The following MACROD2 variants were observed in gnomAD, a reference collection of about 807,000 sequenced individuals.
MACROD2 encodes mono-ADP ribosylhydrolase 2.
MACROD2 carries 36 observed loss-of-function variants against 70.4 expected under a neutral mutation model. The ratio of observed to expected loss-of-function variants is 0.51; its 90% CI spans 0.39 to 0.68. MACROD2 has a LOEUF of 0.68. Among genes scored for constraint, MACROD2 ranks in the 30% least tolerant of loss-of-function variants. MACROD2 has a pLI of 0.00. For missense variants in MACROD2, 496 were observed against 538.4 expected (o/e 0.92, Z 0.78); for synonymous variants, 172 against 178.8 (o/e 0.96, Z 0.30).
rs2066597821 is a variant in MACROD2, at chr20:15,994,275, C to T, written c.1153+7117C>T. The stretch of plus-strand genomic sequence containing the variant: ...TACACACACTGTAGATGAAGTTGTA[C>T]TTCTAAGATGCCTCAGTTGTGAGAT... On this transcript the variant is annotated intron_variant, in intron 15 of 17. Transcript: ENST00000684519. Among the ~76,000 whole-genome samples, 3 of 152,058 alleles carry T rather than the reference C, an allele frequency of 2.0e-5. No homozygotes were observed. The South Asian group carries it at 6.2e-4, about 31-fold the overall frequency.
chr20:15,304,671 C>A (rs1308953661), intron 6 of MACROD2, among the ~76,000 whole-genome samples: 1 of 152,172 alleles, frequency 6.6e-6, no homozygotes, highest in African/African-American at 2.4e-5. Flanking sequence ...GACTGGCTCT[C>A]TAGCTCACTG....
chr20:15,586,257 C>T (rs967240937), intron 8 of MACROD2, among the ~76,000 whole-genome samples: 6 of 152,162 alleles, frequency 3.9e-5, no homozygotes, highest in African/African-American at 1.4e-4. Flanking sequence ...GACTCTGATA[C>T]AGTAGGTCTG....
At chr20:15,534,615 A>G (rs2047849158) in intron 8 of MACROD2, among the ~76,000 whole-genome samples, 1 of 152,200 alleles carries the variant, frequency 6.6e-6, no homozygotes. Flanking sequence ...GACGGTAGAT[A>G]TGAAGGTTGA....
chr20:13,999,648 C>T (rs1313181194), intron 1 of MACROD2, among the ~76,000 whole-genome samples: 3 of 152,082 alleles, frequency 2.0e-5, no homozygotes, highest in African/African-American at 7.2e-5. Flanking sequence ...TTATAGTTTC[C>T]TTATCTATAA....
chr20:15,363,426 T>A (rs2078375808), intron 6 of MACROD2, among the ~76,000 whole-genome samples: 1 of 152,154 alleles, frequency 6.6e-6, no homozygotes, highest in Non-Finnish European at 1.5e-5. Context: ...AAGAGAAAGT[T>A]TCGAAAGGCA....
At chr20:14,081,198 C>T (rs184351063) in intron 2 of MACROD2, among the ~76,000 whole-genome samples, 27 of 152,318 alleles carry the variant, frequency 1.8e-4, no homozygotes, top group Admixed American at 1.0e-3. Flanking sequence ...CCTGACTTGC[C>T]TTCAGCAAGA....
intron 17 of MACROD2, among the ~76,000 whole-genome samples, chr20:16,048,599 T>G (rs1379351007): frequency 6.6e-6 from 1 of 152,106 alleles, no homozygotes; most frequent in Non-Finnish European, 1.5e-5. Flanking sequence ...ACCGCAGATA[T>G]AAAATACAGA....
Position 14,912,486 on chromosome 20 carries a change from G to T in MACROD2, c.418+227527G>T, listed in dbSNP as rs1012366424. On this transcript the variant is annotated intron_variant, in intron 5 of 17. Transcript: ENST00000684519. Reference sequence around the variant, plus strand: ...CTAAGGAAACTTTGTCAAGTTTCCTGTTGGGGCATGCCAGCTAGTCTTCAA... The same window carrying T: ...CTAAGGAAACTTTGTCAAGTTTCCTTTTGGGGCATGCCAGCTAGTCTTCAA... Among the ~76,000 whole-genome samples, 6 of 152,254 alleles carry T rather than the reference G, an allele frequency of 3.9e-5. No individual in the cohort carries two copies. The East Asian group carries it at 1.2e-3, about 29-fold the overall frequency.
Position 14,483,429 on chromosome 20 carries a change from GGA to G in MACROD2, c.272-10048_272-10047del, listed in dbSNP as rs537849374. 1.7e-4 allele frequency among the ~76,000 whole-genome samples: 25 copies of G among 150,694 alleles called. No homozygotes were observed. The South Asian group carries it at 4.8e-3, about 29-fold the overall frequency. ...TTTTATTTTTATTTTTTTTTGAGAC[GGA>G]GTTTCGCTCCTGTTGCCCAGGCTGG... On this transcript the variant is annotated intron_variant, in intron 3 of 17. Transcript: ENST00000684519.
intron 8 of MACROD2, among the ~76,000 whole-genome samples, chr20:15,615,872 A>G (rs1600670748): frequency 2.0e-5 from 3 of 152,186 alleles, no homozygotes; most frequent in South Asian, 2.1e-4. Flanking sequence ...GTGTAAAAGT[A>G]TAATAATATA....
chr20:14,407,073 T>G (rs1256409801), intron 3 of MACROD2, among the ~76,000 whole-genome samples: 1 of 151,794 alleles, frequency 6.6e-6, no homozygotes, highest in Non-Finnish European at 1.5e-5. Flanking sequence ...ACCATATTTT[T>G]AAACAATCCT....
chr20:15,089,390 G>A (rs1463996135), intron 5 of MACROD2, among the ~76,000 whole-genome samples: 7 of 152,050 alleles, frequency 4.6e-5, no homozygotes, highest in Non-Finnish European at 1.0e-4. Flanking sequence ...ATTGATGGTT[G>A]CCTTGCCAAG....
intron 8 of MACROD2, among the ~76,000 whole-genome samples, chr20:15,605,453 C>CAT (rs71340232): frequency 7.1e-6 from 1 of 141,692 alleles, no homozygotes; most frequent in Non-Finnish European, 1.5e-5. Flanking sequence ...AGGATGTAAG[C>CAT]GTGTGTGTGT....
chr20:15,468,900 C>G (rs1479749264), intron 7 of MACROD2, among the ~76,000 whole-genome samples: 2 of 152,032 alleles, frequency 1.3e-5, no homozygotes, highest in East Asian at 3.9e-4. Context: ...TATTCAAGAC[C>G]CAAAGGATGA....
chr20:15,044,804 C>T (rs2075380631), intron 5 of MACROD2, among the ~76,000 whole-genome samples: 1 of 152,160 alleles, frequency 6.6e-6, no homozygotes, highest in South Asian at 2.1e-4. Context: ...CTCTATTAAA[C>T]ACTCAAATTA....
chr20:15,069,926 G>C (rs945336148), intron 5 of MACROD2, among the ~76,000 whole-genome samples: 1 of 152,166 alleles, frequency 6.6e-6, no homozygotes, highest in Non-Finnish European at 1.5e-5. Flanking sequence ...CTGTGGGAAG[G>C]GGTTGCCACC....
intron 3 of MACROD2, among the ~76,000 whole-genome samples, chr20:14,364,641 A>G (rs1388856562): frequency 2.6e-5 from 4 of 152,014 alleles, no homozygotes; most frequent in Non-Finnish European, 5.9e-5. Context: ...CCCAGAAACC[A>G]CCAAACTGTT....
intron 4 of MACROD2, among the ~76,000 whole-genome samples, chr20:14,502,667 G>C (rs2084927519): frequency 6.6e-6 from 1 of 152,112 alleles, no homozygotes; most frequent in African/African-American, 2.4e-5. Flanking sequence ...TCTGAAAGAT[G>C]AAAGTTGCTG....
chr20:15,937,729 T>TTA (rs10532606), intron 12 of MACROD2, among the ~76,000 whole-genome samples, 185 bp downstream of exon 12: 214 of 147,344 alleles, frequency 1.5e-3, no homozygotes, highest in Admixed American at 2.4e-3. Flanking sequence ...TATAGAAAAT[T>TTA]TATATATATA....
Sources: allele counts gnomAD v4.1 joint callset (sites outside exome capture counted in the v4.1 genomes callset), GRCh38; gene constraint gnomAD v4.1.1; transcripts MANE v1.5; gene names NCBI Gene and HGNC (gene_info 2026-07-23, HGNC 2026-07-21).